The following SAMTOR variants were observed in gnomAD, a reference collection of about 807,000 sequenced individuals.
SAMTOR encodes the protein S-adenosylmethionine sensor upstream of mTORC1.
the SAMTOR span, among the ~76,000 whole-genome samples, chr7:112,918,421 C>T: frequency 6.4e-4 from 98 of 152,132 alleles, no homozygotes; most frequent in Non-Finnish European, 1.1e-3. Flanking sequence ...ACCATCAGGC[C>T]TGCCCTAAAA....
chr7:112,819,714 G>GCT, the SAMTOR span: 1 of 152,480 alleles, frequency 6.6e-6, no homozygotes, highest in Non-Finnish European at 1.5e-5. Context: ...ATCAACATCT[G>GCT]TAAACAATCA....
At chr7:112,852,326 G>A in the SAMTOR span, among the ~76,000 whole-genome samples, 2 of 152,066 alleles carry the variant, frequency 1.3e-5, no homozygotes, top group Non-Finnish European at 2.9e-5. Context: ...AATGGAACTG[G>A]AGGCCATGAC....
chr7:112,922,889 G>GC, the SAMTOR span, among the ~76,000 whole-genome samples: 508 of 96,416 alleles, frequency 5.3e-3, 18 homozygotes, highest in Admixed American at 0.012. Context: ...GGGGGGGTCA[G>GC]CCCCCCCCCC....
At chr7:112,919,983 G>C in the SAMTOR span, among the ~76,000 whole-genome samples, 1 of 152,112 alleles carries the variant, frequency 6.6e-6, no homozygotes, top group African/African-American at 2.4e-5. Context: ...AAAGAGTCCA[G>C]GACCAGATGG....
the SAMTOR span, among the ~76,000 whole-genome samples, chr7:112,876,888 T>C: frequency 1.3e-5 from 2 of 152,192 alleles, no homozygotes; most frequent in Non-Finnish European, 2.9e-5. Flanking sequence ...TAAGCCCTCA[T>C]TCCTTTGCGA....
At chr7:112,937,474 A>G in the SAMTOR span, among the ~76,000 whole-genome samples, 1 of 152,154 alleles carries the variant, frequency 6.6e-6, no homozygotes, top group African/African-American at 2.4e-5. Context: ...TCAGCACAAT[A>G]CTAAGTCCTC....
chr7:112,897,986 T>A, the SAMTOR span, among the ~76,000 whole-genome samples: 1 of 152,168 alleles, frequency 6.6e-6, no homozygotes, highest in Non-Finnish European at 1.5e-5. Context: ...AGAGAGATAA[T>A]CTTTGTGCTT....
At chr7:112,824,949 C>T in the SAMTOR span, among the ~76,000 whole-genome samples, 1 of 152,176 alleles carries the variant, frequency 6.6e-6, no homozygotes, top group African/African-American at 2.4e-5. Context: ...ATTCTAGGTC[C>T]TTTGAATTTC....
the SAMTOR span, among the ~76,000 whole-genome samples, chr7:112,837,641 ATATATTATTCTTT>A: frequency 5.3e-5 from 8 of 151,914 alleles, no homozygotes; most frequent in African/African-American, 1.9e-4. Context: ...TTTGGTTTCT[ATATATTATTCTTT>A]TCATAATCTG....
chr7:112,871,984 G>C, the SAMTOR span, among the ~76,000 whole-genome samples: 2 of 152,082 alleles, frequency 1.3e-5, no homozygotes, highest in East Asian at 1.9e-4. Flanking sequence ...TTCCGAAATT[G>C]AATCAGTAAT....
At chr7:112,896,198 C>T in the SAMTOR span, among the ~76,000 whole-genome samples, 30,962 of 151,780 alleles carry the variant, frequency 0.2, 3,622 homozygotes, top group Middle Eastern at 0.38. Context: ...TGCGTGCACG[C>T]GCGCACGCGC....
At chr7:112,893,389 T>C in the SAMTOR span, among the ~76,000 whole-genome samples, 2 of 152,248 alleles carry the variant, frequency 1.3e-5, no homozygotes, top group African/African-American at 2.4e-5. Context: ...CTTTATGTCA[T>C]GGAGATGGTT....
chr7:112,935,424 C>G, the SAMTOR span, among the ~76,000 whole-genome samples: 1 of 152,100 alleles, frequency 6.6e-6, no homozygotes, highest in African/African-American at 2.4e-5. Flanking sequence ...AGTTTTTCCC[C>G]TTCCCCCACA....
chr7:112,859,908 A>G, the SAMTOR span, among the ~76,000 whole-genome samples: 1 of 152,216 alleles, frequency 6.6e-6, no homozygotes, highest in Non-Finnish European at 1.5e-5. Flanking sequence ...GTATAGCTTA[A>G]GTGCACAGTG....
the SAMTOR span, among the ~76,000 whole-genome samples, chr7:112,851,259 G>A: frequency 2.0e-5 from 3 of 152,044 alleles, no homozygotes; most frequent in Non-Finnish European, 4.4e-5. Flanking sequence ...TAAGCAAAAA[G>A]AACCAAGCTG....
the SAMTOR span, chr7:112,939,714 C>T: frequency 1.2e-6 from 2 of 1,609,312 alleles, no homozygotes; most frequent in East Asian, 4.5e-5. Flanking sequence ...GCCCTCTGCG[C>T]ACGAGCAGTA....
At chr7:112,891,882 A>G in the SAMTOR span, among the ~76,000 whole-genome samples, 1 of 152,242 alleles carries the variant, frequency 6.6e-6, no homozygotes, top group Non-Finnish European at 1.5e-5. Context: ...GGTTGCTGAA[A>G]GCTGGGGTGC....
chr7:112,911,446 A>T, the SAMTOR span, among the ~76,000 whole-genome samples: 2 of 152,102 alleles, frequency 1.3e-5, no homozygotes, highest in Admixed American at 1.3e-4. Context: ...GCTGCCTTTC[A>T]GAGCAAAAAA....
At chr7:112,867,351 A>AC in the SAMTOR span, among the ~76,000 whole-genome samples, 1 of 152,214 alleles carries the variant, frequency 6.6e-6, no homozygotes, top group African/African-American at 2.4e-5. Flanking sequence ...AACATGTATA[A>AC]CTACTGAAAA....
Sources: gnomAD v4.1 joint callset for allele counts (sites outside exome capture counted in the v4.1 genomes callset) on GRCh38, gnomAD v4.1.1 for gene constraint, MANE v1.5 for transcripts, NCBI Gene and HGNC (gene_info 2026-07-23, HGNC 2026-07-21) for gene names.